Variants in GNA14 observed in about 807,000 individuals in gnomAD.
The protein encoded by GNA14 is G protein subunit alpha 14.
A neutral mutation model predicts 42.0 loss-of-function variants in GNA14; 50 were observed. That is an observed-to-expected ratio of 1.19 (90% CI 0.95 to 1.51). GNA14 has a LOEUF of 1.51. Among genes scored for constraint, GNA14 ranks in the 40% most tolerant of loss-of-function variants. GNA14 has a pLI of 0.00. For synonymous variants in GNA14, 173 were observed against 163.1 expected (o/e 1.06, Z -0.46); for missense variants, 473 against 446.2 (o/e 1.06, Z -0.54).
intron 2 of GNA14, among the ~76,000 whole-genome samples, chr9:77,496,246 G>T (rs1206450004): frequency 1.3e-5 from 2 of 152,162 alleles, no homozygotes; most frequent in African/African-American, 4.8e-5. Flanking sequence ...AATGTAATCT[G>T]CCCATGTGGG....
In GNA14 at chr9:77,467,693, T is replaced by A. The variant is rs143293122; in HGVS notation, c.310-33171A>T. 4.3e-3 allele frequency among the ~76,000 whole-genome samples: 637 copies of A among 146,632 alleles called. 2 individuals carry two copies. The highest frequency in any genetic ancestry group is 0.014 in the Middle Eastern group (4 of 286). On this transcript the variant is annotated intron_variant, in intron 2 of 6. Coordinates refer to ENST00000341700, the MANE Select transcript of GNA14 (RefSeq NM_004297.4). The stretch of plus-strand genomic sequence containing the variant: ...TAAGACTAGTCAAGTGCAATGGAGC[T>A]CTCCATTCCCATTCTTCTGACAACC...
rs563724768 is a variant in GNA14, at chr9:77,425,811, C to T, written c.724-96G>A. ...AGTCCATCCATCTCTTCCCTTGCCC[C>T]GCCGCAGTCTCTGGGCCACTGTCTG... On this transcript the variant is annotated intron_variant, in intron 5 of 6. Coordinates refer to ENST00000341700, the MANE Select transcript of GNA14 (RefSeq NM_004297.4). 114 of 937,052 alleles carry T rather than the reference C, an allele frequency of 1.2e-4. No individual in the cohort carries two copies. In the African/African-American group the frequency reaches 1.5e-3, roughly 13 times the overall value. 58.0% of individuals were successfully genotyped at this position (937,052 alleles called of 1,614,324 possible).
chr9:77,603,191 C>G (rs892103488), intron 1 of GNA14, among the ~76,000 whole-genome samples: 1 of 152,164 alleles, frequency 6.6e-6, no homozygotes, highest in Admixed American at 6.5e-5. Context: ...AACCAGAGAT[C>G]ATCTCCTACT....
At chr9:77,489,694 G>T (rs542516008) in intron 2 of GNA14, among the ~76,000 whole-genome samples, 1 of 152,118 alleles carries the variant, frequency 6.6e-6, no homozygotes, top group East Asian at 1.9e-4. Flanking sequence ...GCAGACCTTC[G>T]CGGTGAGTGT....
At chr9:77,534,673 T>A (rs1837572756) in intron 1 of GNA14, among the ~76,000 whole-genome samples, 1 of 152,238 alleles carries the variant, frequency 6.6e-6, no homozygotes, top group Admixed American at 6.5e-5. Flanking sequence ...TTGCTCATGC[T>A]GTCTAAATCA....
intron 1 of GNA14, among the ~76,000 whole-genome samples, chr9:77,629,019 A>G (rs2117999121): frequency 6.6e-6 from 1 of 152,316 alleles, no homozygotes; most frequent in East Asian, 1.9e-4. Context: ...CAGAATCTAC[A>G]AGGAATTTAA....
intron 1 of GNA14, among the ~76,000 whole-genome samples, chr9:77,607,262 C>T (rs1339215223): frequency 6.6e-6 from 1 of 152,150 alleles, no homozygotes; most frequent in African/African-American, 2.4e-5. Context: ...ATCACTGGCT[C>T]ACACAGACGA....
intron 1 of GNA14, among the ~76,000 whole-genome samples, chr9:77,632,001 C>G (rs1824106860): frequency 6.6e-6 from 1 of 151,942 alleles, no homozygotes; most frequent in Admixed American, 6.6e-5. Flanking sequence ...GCTCTCAGGG[C>G]TCAGGAGCAG....
intron 1 of GNA14, among the ~76,000 whole-genome samples, chr9:77,589,790 T>C (rs1238742408): frequency 6.6e-6 from 1 of 152,222 alleles, no homozygotes; most frequent in Non-Finnish European, 1.5e-5. Context: ...CTGCCTTCCA[T>C]ACCAAGACCT....
chr9:77,626,191 CTATCCTAAA>C (rs1824009805), intron 1 of GNA14, among the ~76,000 whole-genome samples: 1 of 152,166 alleles, frequency 6.6e-6, no homozygotes, highest in Admixed American at 6.5e-5. Context: ...GAAGAGCTAA[CTATCCTAAA>C]TATATATGCA....
At chr9:77,452,599 G>A (rs371091407) in intron 2 of GNA14, among the ~76,000 whole-genome samples, 16 of 456 alleles carry the variant, frequency 0.035, 1 homozygote, top group South Asian at 0.25. Context: ...TGTGTGTGGT[G>A]TGTATGTGTA....
intron 1 of GNA14, among the ~76,000 whole-genome samples, chr9:77,578,956 C>T (rs1316145083): frequency 6.6e-6 from 1 of 152,148 alleles, no homozygotes; most frequent in Admixed American, 6.5e-5. Context: ...ATGCTGTGGC[C>T]CTTATCTCGG....
rs187225920 is a variant in GNA14 at position 77,627,067 on chromosome 9, C to T, written c.124+20603G>A. ...AAAGAGGATATCACTACTGATCCCA[C>T]AGAAATACAAACTACCATCAGAGAA... On this transcript the variant is annotated intron_variant, in intron 1 of 6. Transcript: ENST00000341700. 5.7e-3 allele frequency among the ~76,000 whole-genome samples: 862 copies of T among 152,278 alleles called. 7 individuals are homozygous for T. Among genetic ancestry groups the T allele is most frequent in the African/African-American group, 0.02 (812 of 41,560 alleles).
rs536337560 is a variant in GNA14 at position 77,430,341 on chromosome 9, A to G, written c.593+980T>C. On this transcript the variant is annotated intron_variant, in intron 4 of 6. Coordinates refer to ENST00000341700, the MANE Select transcript of GNA14 (RefSeq NM_004297.4). The stretch of plus-strand genomic sequence containing the variant: ...TGCAAAACCCATTCATCGCAGTCCA[A>G]GAAGGATAAACTTAGAAGAAATAAA... 7.2e-5 allele frequency among the ~76,000 whole-genome samples: 11 copies of G among 152,350 alleles called. No homozygotes were observed. The South Asian group carries it at 2.3e-3, about 32-fold the overall frequency.
chr9:77,491,477 T>C (rs947685832), intron 2 of GNA14, among the ~76,000 whole-genome samples: 8 of 152,214 alleles, frequency 5.3e-5, no homozygotes, highest in African/African-American at 1.7e-4. Flanking sequence ...AGAAATTCTA[T>C]GCAAATGAAA....
At chr9:77,430,001 AG>A (rs1476298759) in intron 4 of GNA14, among the ~76,000 whole-genome samples, 6 of 152,110 alleles carry the variant, frequency 3.9e-5, no homozygotes, top group Non-Finnish European at 8.8e-5. Flanking sequence ...CCAACCACCC[AG>A]AACTGTTGTC....
intron 1 of GNA14, among the ~76,000 whole-genome samples, chr9:77,591,389 T>C (rs1823389418): frequency 6.6e-6 from 1 of 152,188 alleles, no homozygotes; most frequent in South Asian, 2.1e-4. Context: ...TAAAAAAGAA[T>C]AGATTTTTCT....
At chr9:77,595,809 A>G (rs1287669334) in intron 1 of GNA14, among the ~76,000 whole-genome samples, 1 of 152,178 alleles carries the variant, frequency 6.6e-6, no homozygotes, top group African/African-American at 2.4e-5. Flanking sequence ...CAAGAGAGAG[A>G]GAGATAAGAC....
chr9:77,615,898 A>C (rs887308633), intron 1 of GNA14, among the ~76,000 whole-genome samples: 3 of 151,814 alleles, frequency 2.0e-5, no homozygotes, highest in African/African-American at 7.3e-5. Flanking sequence ...CAAAGTAGAT[A>C]ACATAGAGTC....
Sources: allele counts gnomAD v4.1 joint callset (sites outside exome capture counted in the v4.1 genomes callset), GRCh38; gene constraint gnomAD v4.1.1; transcripts MANE v1.5; gene names NCBI Gene and HGNC (gene_info 2026-07-23, HGNC 2026-07-21).